The following ADAMTS16 variants were observed in gnomAD, a reference collection of about 807,000 sequenced individuals.
ADAMTS16 encodes ADAM metallopeptidase with thrombospondin type 1 motif 16.
A neutral mutation model predicts 145.8 loss-of-function variants in ADAMTS16; 94 were observed. That is an observed-to-expected ratio of 0.64 (90% CI 0.55 to 0.77). The LOEUF is 0.77. Among genes scored for constraint, ADAMTS16 ranks in the 30% least tolerant of loss-of-function variants. The probability of loss-of-function intolerance (pLI) is 0.00; values close to 1 mark genes in which losing one functional copy is unlikely to be tolerated. For missense variants in ADAMTS16, 1,585 were observed against 1,591.5 expected (o/e 1.00, Z 0.07); for synonymous variants, 659 against 604.3 (o/e 1.09, Z -1.33).
At chr5:5,228,861 G>C (rs1158519960) in intron 11 of ADAMTS16, among the ~76,000 whole-genome samples, 2 of 152,196 alleles carry the variant, frequency 1.3e-5, no homozygotes, top group African/African-American at 2.4e-5. Flanking sequence ...CTGAATATTT[G>C]CCCTGGCATG....
At chr5:5,253,479 C>A (rs1305188145) in intron 17 of ADAMTS16, among the ~76,000 whole-genome samples, 5 of 152,072 alleles carry the variant, frequency 3.3e-5, no homozygotes, top group African/African-American at 1.2e-4. Flanking sequence ...ATCAGATATG[C>A]GTTTGTCTCA....
Position 5,200,158 on chromosome 5 carries a change from G to A in ADAMTS16, c.1340G>A (p.Gly447Glu). ...TTTGGCATGATTCATGATGGAGAAG[G>A]GAACATGTGCAAAAAGTCCGAGGGC... Reference protein sequence around the residue: ...HNFGMIHDGEGNMCKKSEGNI... With the variant: ...HNFGMIHDGEENMCKKSEGNI... The change falls in exon 9 of 23, where the codon GGG becomes GAG. Residue 447 changes from glycine (G) to glutamate (E), a missense_variant. Physicochemically the swap from Gly to Glu is moderately conservative, Grantham distance 98. This residue lies in a region of ADAMTS16 where 298 missense variants were observed against 367.6 expected (regional missense o/e 0.81). Coordinates refer to ENST00000274181, the MANE Select transcript of ADAMTS16 (RefSeq NM_139056.4). The A allele has an allele frequency of 1.2e-6, 2 of 1,612,896 alleles. No homozygotes were observed. Among genetic ancestry groups the A allele is most frequent in the East Asian group, 2.2e-5 (1 of 44,840 alleles).
In ADAMTS16 at chr5:5,290,877, A is replaced by G. The variant is rs544393555; in HGVS notation, c.2790-12391A>G. Among the ~76,000 whole-genome samples, 8 of 152,142 alleles carry G rather than the reference A, an allele frequency of 5.3e-5. No homozygotes were observed. In the South Asian group the frequency reaches 1.7e-3, roughly 32 times the overall value. ...CTTCCCGCTGTGACCATTTGCTTTC[A>G]TTCTCTCCCCAGACGAGGTGGAGAA... On this transcript the variant is annotated intron_variant, in intron 18 of 22. Transcript: ENST00000274181.
intron 21 of ADAMTS16, among the ~76,000 whole-genome samples, chr5:5,308,614 C>G (rs1339586232): frequency 6.6e-6 from 1 of 152,208 alleles, no homozygotes; most frequent in Non-Finnish European, 1.5e-5. Context: ...CCTGGACACG[C>G]TTCCCATCCC....
intron 10 of ADAMTS16, among the ~76,000 whole-genome samples, chr5:5,212,541 T>A (rs1163551137): frequency 2.0e-5 from 3 of 152,172 alleles, no homozygotes; most frequent in Non-Finnish European, 4.4e-5. Flanking sequence ...TAAAATACCC[T>A]CCTTTATTGT....
At chr5:5,163,242 A>G (rs576949632) in intron 3 of ADAMTS16, among the ~76,000 whole-genome samples, 1 of 152,272 alleles carries the variant, frequency 6.6e-6, no homozygotes, top group South Asian at 2.1e-4. Context: ...ATTTTAGAAA[A>G]TTCTTTTTAG....
chr5:5,189,442 A>G (rs751029328), intron 6 of ADAMTS16, among the ~76,000 whole-genome samples: 4 of 152,228 alleles, frequency 2.6e-5, no homozygotes, highest in South Asian at 2.1e-4. Context: ...AGCTTTACCA[A>G]TTGACCCACC....
chr5:5,161,717 C>T (rs1051492629), intron 3 of ADAMTS16, among the ~76,000 whole-genome samples: 26 of 152,196 alleles, frequency 1.7e-4, no homozygotes, highest in African/African-American at 5.8e-4. Context: ...TTGTAGCCCA[C>T]ATTCACAGCC....
intron 9 of ADAMTS16, among the ~76,000 whole-genome samples, chr5:5,205,317 GAA>G (rs112399321): frequency 7.4e-6 from 1 of 135,662 alleles, no homozygotes; most frequent in African/African-American, 2.7e-5. Context: ...TGGAAAAAAA[GAA>G]AAAAAAAAAA....
At chr5:5,233,065 T>A (rs558761661) in intron 12 of ADAMTS16, among the ~76,000 whole-genome samples, 12 of 152,314 alleles carry the variant, frequency 7.9e-5, no homozygotes, top group African/African-American at 2.9e-4. Flanking sequence ...AACAGTGATA[T>A]TCAGGAATTG....
Position 5,232,536 on chromosome 5 carries a change from C to T in ADAMTS16, c.1850+20C>T. On this transcript the variant is annotated intron_variant, in intron 12 of 22. Transcript: ENST00000274181. Reference sequence around the variant, plus strand: ...CCCCAAGTAAGTATGCCTTGACCTCCTTCCTCACAAACGACTGATTTCCAT... The same window carrying T: ...CCCCAAGTAAGTATGCCTTGACCTCTTTCCTCACAAACGACTGATTTCCAT... 1 of 1,610,202 alleles carries T rather than the reference C, an allele frequency of 6.2e-7. No individual in the cohort carries two copies. The highest frequency in any genetic ancestry group is 8.5e-7 in the Non-Finnish European group (1 of 1,179,588).
intron 10 of ADAMTS16, among the ~76,000 whole-genome samples, chr5:5,222,575 C>A (rs1736638533): frequency 6.6e-6 from 1 of 151,864 alleles, no homozygotes. Context: ...ATAAATAAAA[C>A]AAATAAAGTA....
chr5:5,234,192 A>C (rs1472149326), intron 12 of ADAMTS16, among the ~76,000 whole-genome samples: 1 of 152,242 alleles, frequency 6.6e-6, no homozygotes, highest in East Asian at 1.9e-4. Context: ...GTGTACATGC[A>C]AATTCTCTGG....
chr5:5,280,702 C>A (rs1283085429), intron 18 of ADAMTS16, among the ~76,000 whole-genome samples: 4 of 152,046 alleles, frequency 2.6e-5, no homozygotes, highest in Non-Finnish European at 5.9e-5. Context: ...CTTAAAGCGC[C>A]ACCTAATTAG....
chr5:5,142,079 A>C (rs1278982439), intron 2 of ADAMTS16: 3 of 141,744 alleles, frequency 2.1e-5, no homozygotes, highest in Non-Finnish European at 4.7e-5. Flanking sequence ...AAAAAAAAAA[A>C]ATTCTAGTTC....
At chr5:5,286,883 AG>A (rs1560988351) in intron 18 of ADAMTS16, among the ~76,000 whole-genome samples, 1,702 of 122,608 alleles carry the variant, frequency 0.014, 301 homozygotes, top group African/African-American at 0.027. Context: ...AAAAAAAAAA[AG>A]AGTTTTTATA....
rs570064433 is a variant in ADAMTS16, at chr5:5,191,906, G to A, written c.1313+116G>A. 206 of 715,252 alleles carry A rather than the reference G, an allele frequency of 2.9e-4. 3 individuals carry two copies. In the South Asian group the frequency reaches 3.2e-3, roughly 11 times the overall value. The allele number at this position is 715,252 out of a possible 1,614,324, so 44.3% of individuals were successfully genotyped here. A position where few individuals can be genotyped will look rare whatever the true frequency, so the allele number is the denominator to read the frequency against. ...TGAAGGGAATTCACATATATCCAAC[G>A]AGAATGCCATTGACAGTTATAAAAT... On this transcript the variant is annotated intron_variant, in intron 8 of 22. Transcript: ENST00000274181.
intron 9 of ADAMTS16, among the ~76,000 whole-genome samples, chr5:5,202,229 C>T (rs1437217328): frequency 6.6e-6 from 1 of 152,162 alleles, no homozygotes; most frequent in Non-Finnish European, 1.5e-5. Flanking sequence ...GGTGTTCCTC[C>T]TCCAAGGACT....
At chr5:5,221,274 C>T (rs376665353) in intron 10 of ADAMTS16, among the ~76,000 whole-genome samples, 5 of 151,992 alleles carry the variant, frequency 3.3e-5, no homozygotes, top group South Asian at 2.1e-4. Context: ...CTCTAAACTC[C>T]GTTCTGGCCA....
Sources: allele counts gnomAD v4.1 joint callset (sites outside exome capture counted in the v4.1 genomes callset), GRCh38; gene constraint gnomAD v4.1.1; regional missense constraint gnomAD v4.1.1; transcripts MANE v1.5; gene names NCBI Gene and HGNC (gene_info 2026-07-23, HGNC 2026-07-21).